Variants in NCKAP5 observed in about 807,000 individuals in gnomAD.
NCKAP5 encodes NCK associated protein 5.
A neutral mutation model predicts 167.0 loss-of-function variants in NCKAP5; 92 were observed. The observed-to-expected ratio is 0.55, with a 90% CI of 0.47 to 0.66. The LOEUF (loss-of-function observed/expected upper bound fraction) is 0.66. NCKAP5 is among the 30% of genes least tolerant of loss of function. The pLI is 0.00. For synonymous variants in NCKAP5, 891 were observed against 877.4 expected (o/e 1.02, Z -0.27); for missense variants, 2,378 against 2,315.0 (o/e 1.03, Z -0.56).
intron 8 of NCKAP5, among the ~76,000 whole-genome samples, chr2:132,918,152 A>G (rs571935577): frequency 6.6e-6 from 1 of 152,308 alleles, no homozygotes; most frequent in Admixed American, 6.5e-5. Flanking sequence ...TCTCCTTAAT[A>G]ACTCATCACT....
At chr2:132,973,562 C>T (rs1451226370) in intron 7 of NCKAP5, among the ~76,000 whole-genome samples, 9 of 152,124 alleles carry the variant, frequency 5.9e-5, no homozygotes, top group Non-Finnish European at 5.9e-5. Flanking sequence ...TCTGTAAAAA[C>T]TCAACCTTGA....
At chr2:133,446,633 T>C (rs1691210880) in intron 3 of NCKAP5, among the ~76,000 whole-genome samples, 2 of 152,192 alleles carry the variant, frequency 1.3e-5, no homozygotes, top group African/African-American at 4.8e-5. Context: ...CGCTCTATCA[T>C]GAGCCTCGTC....
chr2:133,596,584 G>A, the NCKAP5 span, among the ~76,000 whole-genome samples: 6 of 152,292 alleles, frequency 3.9e-5, no homozygotes, highest in Non-Finnish European at 2.9e-5. Context: ...GGGAAGAGTC[G>A]AGGATAACCC....
chr2:133,292,170 T>C (rs1487868122), intron 4 of NCKAP5, among the ~76,000 whole-genome samples: 1 of 152,196 alleles, frequency 6.6e-6, no homozygotes, highest in Non-Finnish European at 1.5e-5. Context: ...TACAGGGTTA[T>C]ATCCTAACGG....
chr2:132,756,145 C>T (rs1320657825), intron 16 of NCKAP5, among the ~76,000 whole-genome samples: 1 of 152,084 alleles, frequency 6.6e-6, no homozygotes, highest in Non-Finnish European at 1.5e-5. Flanking sequence ...AATGAAAACA[C>T]ACTCAAAAAT....
chr2:133,060,532 C>T (rs1454229111), intron 6 of NCKAP5, among the ~76,000 whole-genome samples: 1 of 152,182 alleles, frequency 6.6e-6, no homozygotes, highest in Non-Finnish European at 1.5e-5. Flanking sequence ...ATATAAGAGG[C>T]TGTCTCTCTC....
intron 8 of NCKAP5, among the ~76,000 whole-genome samples, chr2:132,880,671 T>G (rs1305206171): frequency 6.6e-6 from 1 of 152,076 alleles, no homozygotes; most frequent in Non-Finnish European, 1.5e-5. Flanking sequence ...CTCAAGCTGA[T>G]GGATGCCTCA....
chr2:132,956,967 ACT>A (rs1398027366), intron 8 of NCKAP5, among the ~76,000 whole-genome samples: 1 of 151,746 alleles, frequency 6.6e-6, no homozygotes, highest in African/African-American at 2.4e-5. Flanking sequence ...GAACCTTAGA[ACT>A]CTGTCCTCTG....
intron 3 of NCKAP5, among the ~76,000 whole-genome samples, chr2:133,319,580 G>C (rs1191079239): frequency 6.6e-6 from 1 of 152,184 alleles, no homozygotes; most frequent in Non-Finnish European, 1.5e-5. Flanking sequence ...TATTGGGACG[G>C]TCACCTAAGA....
At chr2:132,713,624 G>A (rs1274929718) in intron 19 of NCKAP5, among the ~76,000 whole-genome samples, 10 of 151,724 alleles carry the variant, frequency 6.6e-5, no homozygotes, top group Non-Finnish European at 1.5e-5. Context: ...TAAAACTCAG[G>A]AAGACACCAG....
At position 133,173,890 on chromosome 2, in the gene NCKAP5, A is replaced by ATAGC. The variant is rs550182233; in HGVS notation, c.207+39822_207+39825dup. Among the ~76,000 whole-genome samples, 36 of 152,372 alleles carry ATAGC rather than the reference A, an allele frequency of 2.4e-4. 1 individual carries two copies. In the South Asian group the frequency reaches 7.2e-3, roughly 31 times the overall value. The stretch of plus-strand genomic sequence containing the variant: ...ATTTACCAAAAATCTGGACACTGGG[A>ATAGC]TAGCTATAAACGACAGATATATGAG... On this transcript the variant is annotated intron_variant, in intron 5 of 19. Transcript: ENST00000409261.
chr2:133,592,142 A>G, the NCKAP5 span, among the ~76,000 whole-genome samples: 1 of 152,158 alleles, frequency 6.6e-6, no homozygotes, highest in African/African-American at 2.4e-5. Context: ...AGGACATACT[A>G]TCTGCGTAGA....
chr2:133,503,766 T>C (rs1351831427), intron 3 of NCKAP5, among the ~76,000 whole-genome samples: 1 of 152,262 alleles, frequency 6.6e-6, no homozygotes, highest in Non-Finnish European at 1.5e-5. Flanking sequence ...AAACAAGAAC[T>C]TTTGTTATTT....
chr2:133,407,790 G>A (rs1351078416), intron 3 of NCKAP5, among the ~76,000 whole-genome samples: 1 of 152,176 alleles, frequency 6.6e-6, no homozygotes, highest in African/African-American at 2.4e-5. Flanking sequence ...AAATTCTGGT[G>A]TTCAGCTATC....
chr2:133,464,837 G>T (rs1224991747), intron 3 of NCKAP5, among the ~76,000 whole-genome samples: 1 of 152,004 alleles, frequency 6.6e-6, no homozygotes, highest in Non-Finnish European at 1.5e-5. Flanking sequence ...TTCAACTTAA[G>T]AAGAGAACTT....
intron 7 of NCKAP5, among the ~76,000 whole-genome samples, chr2:132,976,335 C>A (rs1207619686): frequency 1.3e-5 from 2 of 151,934 alleles, no homozygotes; most frequent in South Asian, 2.1e-4. Context: ...GAGGCCAAGG[C>A]GGGTGGATCA....
intron 4 of NCKAP5, among the ~76,000 whole-genome samples, chr2:133,285,671 G>A (rs777999845): frequency 2.6e-5 from 4 of 152,068 alleles, no homozygotes; most frequent in Non-Finnish European, 4.4e-5. Flanking sequence ...ATCACGATAC[G>A]AGAGCAACTC....
intron 3 of NCKAP5, among the ~76,000 whole-genome samples, chr2:133,397,543 T>C (rs909928202): frequency 6.6e-6 from 1 of 152,218 alleles, no homozygotes; most frequent in African/African-American, 2.4e-5. Context: ...ACCATATGCT[T>C]GTTGCCTCTG....
At chr2:133,124,408 C>T (rs12052593) in intron 6 of NCKAP5, among the ~76,000 whole-genome samples, 18,561 of 152,084 alleles carry the variant, frequency 0.12, 1,362 homozygotes, top group East Asian at 0.37. Context: ...AAATTATGTC[C>T]GCCAGGTGCT....
Sources: gnomAD v4.1 joint callset for allele counts (sites outside exome capture counted in the v4.1 genomes callset) on GRCh38, gnomAD v4.1.1 for gene constraint, MANE v1.5 for transcripts, NCBI Gene and HGNC (gene_info 2026-07-23, HGNC 2026-07-21) for gene names.